Variants in KCNAB1 observed in about 807,000 individuals in gnomAD.
KCNAB1 encodes the protein voltage-gated potassium channel subunit beta-1.
KCNAB1 carries 35 observed loss-of-function variants against 64.6 expected under a neutral mutation model. The observed-to-expected ratio is 0.54, with a 90% CI of 0.41 to 0.72. The LOEUF (loss-of-function observed/expected upper bound fraction) is 0.72, where lower values mean the gene tolerates loss of function less well. KCNAB1 is among the 30% of genes least tolerant of loss of function. The pLI, the probability that KCNAB1 is intolerant of heterozygous loss-of-function variation, is 0.00. For synonymous variants in KCNAB1, 177 were observed against 183.8 expected, an observed-to-expected ratio of 0.96 and a Z score of 0.30; for missense variants, 401 against 512.9, an observed-to-expected ratio of 0.78 and a Z score of 2.11.
intron 1 of KCNAB1, among the ~76,000 whole-genome samples, chr3:156,283,313 T>C (rs1719863218): frequency 6.6e-6 from 1 of 151,324 alleles, no homozygotes; most frequent in Admixed American, 6.6e-5. Flanking sequence ...TTCTGGCTTG[T>C]AGGGTTTCTG....
chr3:156,123,315 A>G (rs542413843), intron 1 of KCNAB1, among the ~76,000 whole-genome samples: 1 of 152,314 alleles, frequency 6.6e-6, no homozygotes, highest in South Asian at 2.1e-4. Context: ...ATCAGTAAGG[A>G]ATTGCTAGCG....
chr3:156,444,898 C>T (rs1218766190), intron 2 of KCNAB1, among the ~76,000 whole-genome samples: 2 of 152,202 alleles, frequency 1.3e-5, no homozygotes, highest in African/African-American at 4.8e-5. Context: ...CCAGCTTTTA[C>T]TCCACCACTT....
chr3:156,271,437 TTTC>T (rs1719032875), intron 1 of KCNAB1, among the ~76,000 whole-genome samples: 1 of 152,226 alleles, frequency 6.6e-6, no homozygotes, highest in South Asian at 2.1e-4. Flanking sequence ...TAGCTTATTA[TTTC>T]TTTTTTCTGC....
intron 1 of KCNAB1, among the ~76,000 whole-genome samples, chr3:156,195,651 A>C (rs1392663569): frequency 6.6e-6 from 1 of 152,098 alleles, no homozygotes; most frequent in Non-Finnish European, 1.5e-5. Flanking sequence ...TTTTTCTTGT[A>C]AATTTGTTTA....
At chr3:156,247,063 A>G (rs1282672688) in intron 1 of KCNAB1, among the ~76,000 whole-genome samples, 1 of 152,124 alleles carries the variant, frequency 6.6e-6, no homozygotes, top group African/African-American at 2.4e-5. Flanking sequence ...TGTATGATTG[A>G]CTGGGAAAAA....
intron 1 of KCNAB1, among the ~76,000 whole-genome samples, chr3:156,168,061 T>A (rs1290209796): frequency 6.6e-6 from 1 of 151,900 alleles, no homozygotes; most frequent in Non-Finnish European, 1.5e-5. Context: ...AAATTAGCCA[T>A]CTATGGTGGT....
At chr3:156,382,625 A>G (rs995324302) in intron 1 of KCNAB1, among the ~76,000 whole-genome samples, 3 of 152,188 alleles carry the variant, frequency 2.0e-5, no homozygotes, top group African/African-American at 7.2e-5. Context: ...GGAACCAAGT[A>G]GAGTTGCATT....
chr3:156,469,870 A>C (rs1713748467), intron 7 of KCNAB1, among the ~76,000 whole-genome samples: 1 of 152,250 alleles, frequency 6.6e-6, no homozygotes, highest in Non-Finnish European at 1.5e-5. Context: ...GATGAGACCC[A>C]AAATAAAGTT....
At chr3:156,172,510 C>T (rs1483925117) in intron 1 of KCNAB1, among the ~76,000 whole-genome samples, 2 of 152,160 alleles carry the variant, frequency 1.3e-5, no homozygotes, top group Non-Finnish European at 2.9e-5. Context: ...AAACTCCTGA[C>T]CTTAAGCAAT....
chr3:156,414,753 T>C (rs1472797898), intron 1 of KCNAB1, among the ~76,000 whole-genome samples: 1 of 152,224 alleles, frequency 6.6e-6, no homozygotes, highest in Non-Finnish European at 1.5e-5. Context: ...GTCCAGCTTT[T>C]CTGCTGCCTT....
intron 1 of KCNAB1, among the ~76,000 whole-genome samples, chr3:156,295,896 A>G (rs1720741793): frequency 6.6e-6 from 1 of 152,242 alleles, no homozygotes; most frequent in African/African-American, 2.4e-5. Context: ...ATTTTGAAAT[A>G]TACAATACGT....
intron 1 of KCNAB1, among the ~76,000 whole-genome samples, chr3:156,292,747 T>C (rs1219796683): frequency 1.3e-5 from 2 of 152,228 alleles, no homozygotes; most frequent in Non-Finnish European, 2.9e-5. Context: ...TTCACCATGT[T>C]GGCCAGGCTG....
chr3:156,312,086 T>C (rs1721947749), intron 1 of KCNAB1, among the ~76,000 whole-genome samples: 1 of 152,228 alleles, frequency 6.6e-6, no homozygotes, highest in African/African-American at 2.4e-5. Context: ...TGAAATGCAT[T>C]AGTAACTATG....
chr3:156,222,377 C>T (rs1715834330), intron 1 of KCNAB1, among the ~76,000 whole-genome samples: 1 of 152,084 alleles, frequency 6.6e-6, no homozygotes, highest in African/African-American at 2.4e-5. Flanking sequence ...AAGAAAATAT[C>T]ACAATTCTAA....
At position 156,426,145 on chromosome 3, in the gene KCNAB1, A is replaced by T. The variant is rs142395491; in HGVS notation, c.319+4486A>T. Among the ~76,000 whole-genome samples, 36 of 152,300 alleles carry T rather than the reference A, an allele frequency of 2.4e-4. No individual in the cohort carries two copies. The East Asian group carries it at 6.2e-3, about 26-fold the overall frequency. ...CTAAGCCATTTAGCTCTTGTCTTCT[A>T]TGTCTCTGGAATTCCTTCAAATCCA... On this transcript the variant is annotated intron_variant, in intron 2 of 13. Transcript: ENST00000490337.
rs573663970 is a variant in KCNAB1 at position 156,412,600 on chromosome 3, A to G, written c.276-9016A>G. 7.2e-5 allele frequency among the ~76,000 whole-genome samples: 11 copies of G among 152,362 alleles called. No individual in the cohort carries two copies. The South Asian group carries it at 2.3e-3, about 32-fold the overall frequency. On this transcript the variant is annotated intron_variant, in intron 1 of 13. Coordinates refer to ENST00000490337, the MANE Select transcript of KCNAB1 (RefSeq NM_172160.3). ...ATATAAATCAGGCTTGGAGTCTACA[A>G]TCGAGTACTTTGCAAATGAGGAAAG...
intron 1 of KCNAB1, among the ~76,000 whole-genome samples, chr3:156,234,965 TTTC>T (rs1716764318): frequency 6.6e-6 from 1 of 152,208 alleles, no homozygotes; most frequent in Non-Finnish European, 1.5e-5. Context: ...TAGTTTTAAA[TTTC>T]TTCATGTGAA....
chr3:156,344,378 C>G (rs1224003192), intron 1 of KCNAB1, among the ~76,000 whole-genome samples: 1 of 152,176 alleles, frequency 6.6e-6, no homozygotes, highest in African/African-American at 2.4e-5. Context: ...TTTTCCTGTT[C>G]TGAAAGCTGC....
intron 1 of KCNAB1, among the ~76,000 whole-genome samples, chr3:156,158,866 T>C (rs1475787330): frequency 6.6e-6 from 1 of 152,340 alleles, no homozygotes; most frequent in African/African-American, 2.4e-5. Context: ...TCCCAGAAGC[T>C]CTGGCTTATG....
Sources: gnomAD v4.1 joint callset for allele counts (sites outside exome capture counted in the v4.1 genomes callset) on GRCh38, gnomAD v4.1.1 for gene constraint, MANE v1.5 for transcripts, NCBI Gene and HGNC (gene_info 2026-07-23, HGNC 2026-07-21) for gene names.